Variants in NDUFA10 observed in about 807,000 individuals in gnomAD.
NDUFA10 encodes the protein NADH:ubiquinone oxidoreductase subunit A10.
A neutral mutation model predicts 47.8 loss-of-function variants in NDUFA10; 40 were observed. The observed-to-expected ratio is 0.84, with a 90% confidence interval of 0.65 to 1.09. The LOEUF (loss-of-function observed/expected upper bound fraction) is 1.09, where lower values mean the gene tolerates loss of function less well. Among genes scored for constraint, NDUFA10 ranks in the 50% least tolerant of loss-of-function variants. The pLI, the probability that NDUFA10 is intolerant of heterozygous loss-of-function variation, is 0.00. For missense variants in NDUFA10, 413 were observed against 451.1 expected (o/e 0.92, Z 0.76); for synonymous variants, 183 against 172.2 (o/e 1.06, Z -0.49).
At chr2:239,952,360 T>G (rs1044735431) in intron 4 of NDUFA10, among the ~76,000 whole-genome samples, 25 of 151,610 alleles carry the variant, frequency 1.6e-4, no homozygotes, top group South Asian at 6.2e-4. Context: ...CTGTTGTCTG[T>G]GGAAGGTGAA....
At chr2:239,995,503 A>G (rs1295827588) in intron 8 of NDUFA10, among the ~76,000 whole-genome samples, 1 of 152,252 alleles carries the variant, frequency 6.6e-6, no homozygotes, top group Admixed American at 6.5e-5. Context: ...AATCTTATAA[A>G]ATGCTCAATG....
At chr2:239,896,227 G>A (rs1056424690) in intron 4 of NDUFA10, among the ~76,000 whole-genome samples, 2 of 152,206 alleles carry the variant, frequency 1.3e-5, no homozygotes, top group African/African-American at 4.8e-5. Flanking sequence ...AATGGCAGAC[G>A]TGCATATCAT....
At chr2:239,937,243 C>T (rs1176804724) in intron 4 of NDUFA10, among the ~76,000 whole-genome samples, 1 of 152,232 alleles carries the variant, frequency 6.6e-6, no homozygotes, top group Admixed American at 6.5e-5. Context: ...CCATAAAATA[C>T]ACCCATTTCG....
Position 239,987,258 on chromosome 2 carries a change from G to A in NDUFA10, c.999+2816C>T, listed in dbSNP as rs1230185896. Reference sequence around the variant, plus strand: ...CTCTGACAGCTGTCCTGGGGTTGTGGAGGAGAACACCCTTGTTTGTGAGAA... The same window carrying A: ...CTCTGACAGCTGTCCTGGGGTTGTGAAGGAGAACACCCTTGTTTGTGAGAA... On this transcript the variant is annotated intron_variant, in intron 9 of 9. Transcript: ENST00000252711. The surrounding 1 kb of genome is among the most constrained non-coding windows in gnomAD (Gnocchi z 4.8). Among the ~76,000 whole-genome samples the A allele has an allele frequency of 6.6e-6, 1 of 152,026 alleles. No homozygotes were observed. The highest frequency in any genetic ancestry group is 2.4e-5 in the African/African-American group (1 of 41,382).
Position 239,959,651 on chromosome 2 carries a change from A to G in NDUFA10, c.*1467T>C, listed in dbSNP as rs1694767413. ...GAGGCAGGGAGGAAGGGAAGGGAGG[A>G]AAACAAGGACAGACGGAAGGAAGGA... is the stretch of plus-strand genomic sequence containing the variant. On this transcript the variant is annotated 3_prime_UTR_variant, in exon 10 of 10. Transcript: ENST00000252711. 1 of 973,640 alleles carries G rather than the reference A, an allele frequency of 1.0e-6. No individual in the cohort carries two copies. The highest frequency in any genetic ancestry group is 4.7e-5 in the South Asian group (1 of 21,120). The allele number at this position is 973,640 out of a possible 1,614,324, so 60.3% of individuals were successfully genotyped here.
chr2:239,939,415 T>G (rs1694322253), intron 4 of NDUFA10, among the ~76,000 whole-genome samples: 1 of 152,216 alleles, frequency 6.6e-6, no homozygotes, highest in Non-Finnish European at 1.5e-5. Context: ...TCCCAGGAAG[T>G]GAGGCAGCTG....
In NDUFA10 at chr2:239,945,918, T is replaced by C. The variant is rs1036474319; in HGVS notation, c.294+44156A>G. On this transcript the variant is annotated intron_variant, in intron 4 of 5. Coordinates refer to the NDUFA10 transcript ENST00000419408. This position sits in a 1 kb window ranked among gnomAD's most constrained non-coding sequence, Gnocchi z 4.6. ...CCTGGAGCAGGAGGGTGGAAGACAC[T>C]GCGCTGAGAATGGGATCCGCTTGCG... Among the ~76,000 whole-genome samples the C allele has an allele frequency of 2.6e-5, 4 of 152,138 alleles. No individual in the cohort carries two copies. The highest frequency in any genetic ancestry group is 9.7e-5 in the African/African-American group (4 of 41,434).
At chr2:239,901,842 G>A (rs1368400045) in intron 4 of NDUFA10, among the ~76,000 whole-genome samples, 1 of 151,974 alleles carries the variant, frequency 6.6e-6, no homozygotes, top group African/African-American at 2.4e-5. Flanking sequence ...GGTGACTTAA[G>A]GGGTTCAAGA....
chr2:239,933,517 T>TTTTG (rs2106374706), intron 4 of NDUFA10, among the ~76,000 whole-genome samples: 1 of 149,162 alleles, frequency 6.7e-6, no homozygotes. Flanking sequence ...TTTTTTTGTT[T>TTTTG]TTTTGTTTTG....
At chr2:240,003,401 G>T (rs4149545) in intron 8 of NDUFA10, among the ~76,000 whole-genome samples, 42,225 of 152,058 alleles carry the variant, frequency 0.28, 6,811 homozygotes, top group East Asian at 0.38. Context: ...TGAGTGCCCC[G>T]GCCATCCTTG....
At chr2:239,913,907 C>T (rs1693796118) in intron 4 of NDUFA10, among the ~76,000 whole-genome samples, 1 of 152,234 alleles carries the variant, frequency 6.6e-6, no homozygotes, top group Non-Finnish European at 1.5e-5. Flanking sequence ...CTGTTGTCAT[C>T]CACATGTGTG....
intron 4 of NDUFA10, among the ~76,000 whole-genome samples, chr2:239,933,944 A>C (rs894603411): frequency 1.4e-4 from 22 of 152,174 alleles, no homozygotes; most frequent in African/African-American, 5.3e-4. Context: ...TGCAGCCTTG[A>C]ACATCTGGGC....
At chr2:239,962,367 A>G (rs1332441152) in intron 9 of NDUFA10, among the ~76,000 whole-genome samples, 1 of 152,124 alleles carries the variant, frequency 6.6e-6, no homozygotes, top group Non-Finnish European at 1.5e-5. Flanking sequence ...TGGATCACAA[A>G]TCACTGAAAT....
chr2:240,025,030 G>A (rs1697797412), intron 1 of NDUFA10, among the ~76,000 whole-genome samples, 197 bp downstream of exon 1: 1 of 152,236 alleles, frequency 6.6e-6, no homozygotes, highest in Non-Finnish European at 1.5e-5. Flanking sequence ...AAATGGCCTG[G>A]AGAAGCTCGT....
intron 9 of NDUFA10, chr2:239,983,729 T>C (rs6716293): frequency 0.41 from 630,514 of 1,556,672 alleles, 130,221 homozygotes; most frequent in Admixed American, 0.46. Flanking sequence ...TAGAGAAACA[T>C]CGGGCAACCC....
intron 9 of NDUFA10, among the ~76,000 whole-genome samples, chr2:239,967,762 A>C (rs1695136934): frequency 6.6e-6 from 1 of 152,134 alleles, no homozygotes; most frequent in African/African-American, 2.4e-5. Flanking sequence ...GACGCCACTG[A>C]GTTTGTGTGA....
At chr2:239,943,480 G>A (rs546662347) in intron 4 of NDUFA10, among the ~76,000 whole-genome samples, 10 of 152,276 alleles carry the variant, frequency 6.6e-5, no homozygotes, top group Admixed American at 1.3e-4. Context: ...GATTACAGGC[G>A]TGAGCCACTA....
intron 7 of NDUFA10, among the ~76,000 whole-genome samples, chr2:240,005,899 G>A (rs1696931683): frequency 6.6e-6 from 1 of 152,130 alleles, no homozygotes; most frequent in South Asian, 2.1e-4. Flanking sequence ...TCAGCCTTCA[G>A]GACAGGCTAC....
intron 1 of NDUFA10, 51 bp downstream of exon 1, chr2:240,025,176 C>A: frequency 2.4e-6 from 1 of 422,440 alleles, no homozygotes; most frequent in Non-Finnish European, 3.8e-6. Flanking sequence ...CCCACCCCGC[C>A]ACCCCGCCAC....
Sources: allele counts gnomAD v4.1 joint callset (sites outside exome capture counted in the v4.1 genomes callset), GRCh38; gene constraint gnomAD v4.1.1; non-coding constraint Gnocchi (gnomAD v3.1); transcripts MANE v1.5; gene names NCBI Gene and HGNC (gene_info 2026-07-23, HGNC 2026-07-21).